Variants in ERF observed in about 807,000 individuals in gnomAD.
ERF encodes the protein ETS domain-containing transcription factor ERF.
ERF carries 10 observed loss-of-function variants against 41.6 expected under a neutral mutation model. The observed-to-expected ratio is 0.24, with a 90% CI of 0.15 to 0.41. The LOEUF is 0.41. ERF is among the 10% of genes least tolerant of loss of function. ERF has a pLI of 1.00. For synonymous variants in ERF, 395 were observed against 342.4 expected (o/e 1.15, Z -1.70); for missense variants, 621 against 763.2 (o/e 0.81, Z 2.19).
At chr19:42,252,729 G>T (rs964304387) in intron 1 of ERF, among the ~76,000 whole-genome samples, 3 of 151,718 alleles carry the variant, frequency 2.0e-5, no homozygotes, top group African/African-American at 4.8e-5. Context: ...CCCGGCTTTG[G>T]GGGGGGGAGA....
Position 42,248,605 on chromosome 19 carries a change from C to T in ERF, c.1507G>A (p.Gly503Ser). ...TTGTCCTCACCCTCATCCTCAAAGC[C>T]CCCAGCGGGGCCCCCACCCCCTTCG... ...RLEGGGGPAGGFEDEGEDKKV... is the reference protein window; with the variant it reads ...RLEGGGGPAGSFEDEGEDKKV... Residue 503 changes from glycine to serine, a missense_variant, in exon 4 of 4, where the codon GGC becomes AGC. Coordinates refer to ENST00000222329, the MANE Select transcript of ERF (RefSeq NM_006494.4). This position sits in a 1 kb window ranked among gnomAD's most constrained non-coding sequence, Gnocchi z 4.2. 1 of 1,581,926 alleles carries T rather than the reference C, an allele frequency of 6.3e-7. No homozygotes were observed. The highest frequency in any genetic ancestry group is 8.6e-7 in the Non-Finnish European group (1 of 1,162,624).
Position 42,248,530 on chromosome 19 carries a change from T to A in ERF, c.1582A>T (p.Arg528Trp). The stretch of plus-strand genomic sequence containing the variant: ...TGCTGGAGGTCAGAGCTCACCCGCC[T>A]TGGGGTGAGGGGCCCCCCAGCCTCC... ...PGEAGGPLTP[R>W]RVSSDLQHAT... Residue 528 changes from arginine (R) to tryptophan (W), a missense_variant, in exon 4 of 4, where the codon AGG becomes TGG. This residue lies in a region of ERF where 569 missense variants were observed against 625.5 expected (regional missense o/e 0.91). Coordinates refer to ENST00000222329, the MANE Select transcript of ERF (RefSeq NM_006494.4). The surrounding 1 kb of genome is among the most constrained non-coding windows in gnomAD (Gnocchi z 4.2). 6.5e-7 allele frequency: 1 copy of A among 1,543,262 alleles called. No homozygotes were observed. Among genetic ancestry groups the A allele is most frequent in the Non-Finnish European group, 8.7e-7 (1 of 1,147,440 alleles).
intron 1 of ERF, among the ~76,000 whole-genome samples, chr19:42,251,963 T>TG (rs2036452531): frequency 6.6e-6 from 1 of 151,978 alleles, no homozygotes; most frequent in Non-Finnish European, 1.5e-5. Context: ...GTGCCAGGGA[T>TG]ATGACCTCCA....
intron 1 of ERF, among the ~76,000 whole-genome samples, chr19:42,252,854 C>T (rs902917307): frequency 2.6e-5 from 4 of 152,098 alleles, no homozygotes; most frequent in Non-Finnish European, 5.9e-5. Flanking sequence ...TATGCGTCCA[C>T]GTGCTTAAAA....
intron 1 of ERF, chr19:42,251,439 G>A: frequency 3.6e-6 from 1 of 278,496 alleles, no homozygotes; most frequent in African/African-American, 2.8e-5. Context: ...GGGGTGGGCA[G>A]CCTGGGGTGG....
At chr19:42,254,050 G>GGGGGA (rs2036492833) in intron 1 of ERF, among the ~76,000 whole-genome samples, 1 of 151,410 alleles carries the variant, frequency 6.6e-6, no homozygotes, top group Non-Finnish European at 1.5e-5. Context: ...CGGGGGCGGC[G>GGGGGA]GGGGAGGGGA....
rs758497035 is a variant in ERF, at chr19:42,249,516, G to T, written c.596C>A (p.Pro199Gln). Residue 199 changes from proline to glutamine, a missense_variant, in exon 4 of 4, where the codon CCG (proline) becomes CAG (glutamine). Around this residue, in one of 3 missense-constraint regions of ERF, gnomAD observed 569 missense variants for 625.5 expected, o/e 0.91. Coordinates refer to ENST00000222329, the MANE Select transcript of ERF (RefSeq NM_006494.4). This position sits in a 1 kb window ranked among gnomAD's most constrained non-coding sequence, Gnocchi z 8.6. ...CSDGTSELEE[P>Q]LGEDPRARPP... ...TCGGGCGCGGGGATCCTCTCCCAGC[G>T]GTTCCTCCAGCTCTGACGTGCCATC... 2 of 1,612,958 alleles carry T rather than the reference G, an allele frequency of 1.2e-6. No homozygotes were observed. Among genetic ancestry groups the T allele is most frequent in the Non-Finnish European group, 1.7e-6 (2 of 1,179,902 alleles).
intron 1 of ERF, among the ~76,000 whole-genome samples, chr19:42,252,436 C>CG (rs1196714107): frequency 6.9e-6 from 1 of 145,564 alleles, no homozygotes; most frequent in Non-Finnish European, 1.5e-5. Context: ...GTCCTGGGAG[C>CG]GGGGGAGCAG....
At chr19:42,254,913 A>G (rs1407688214) in intron 1 of ERF, 65 bp downstream of exon 1, 12 of 1,485,450 alleles carry the variant, frequency 8.1e-6, no homozygotes, top group Middle Eastern at 3.5e-4. Flanking sequence ...CAGCCCCCCC[A>G]AAGTTTCTCC....
In ERF at chr19:42,250,003, C is replaced by G; in HGVS notation, c.258-61G>C. 6.9e-7 allele frequency: 1 copy of G among 1,454,402 alleles called. No individual in the cohort carries two copies. Among genetic ancestry groups the G allele is most frequent in the Non-Finnish European group, 9.7e-7 (1 of 1,035,224 alleles). The allele number at this position is 1,454,402 out of a possible 1,614,324, so 90.1% of individuals were successfully genotyped here. A position where few individuals can be genotyped will look rare whatever the true frequency, so the allele number is the denominator to read the frequency against. On this transcript the variant is annotated intron_variant, in intron 2 of 3. Coordinates refer to ENST00000222329, the MANE Select transcript of ERF (RefSeq NM_006494.4). The surrounding 1 kb of genome is among the most constrained non-coding windows in gnomAD (Gnocchi z 5.1). Reference sequence around the variant, plus strand: ...ACGTGGGACCCAGGTCTAGACTCCACACCTTAACACGCACTTAGGTGTGGT... The same window carrying G: ...ACGTGGGACCCAGGTCTAGACTCCAGACCTTAACACGCACTTAGGTGTGGT...
rs1285109108 is a variant in ERF at position 42,249,777 on chromosome 19, C to T, written c.374-39G>A. The T allele has an allele frequency of 6.2e-7, 1 of 1,613,774 alleles. No homozygotes were observed. The highest frequency in any genetic ancestry group is 8.5e-7 in the Non-Finnish European group (1 of 1,179,756). On this transcript the variant is annotated intron_variant, in intron 3 of 3. Transcript: ENST00000222329. This position sits in a 1 kb window ranked among gnomAD's most constrained non-coding sequence, Gnocchi z 8.6. ...GACAGTGTCAAGGCCCCTGGCCTAG[C>T]CTGAAGGGGCATGTAGACCCTCTCC... is the stretch of plus-strand genomic sequence containing the variant.
chr19:42,254,894 G>A, intron 1 of ERF, 84 bp downstream of exon 1: 1 of 1,429,064 alleles, frequency 7.0e-7, no homozygotes, highest in Non-Finnish European at 9.3e-7. Context: ...GGGCTCCCCC[G>A]GACCCCTTCA....
chr19:42,254,887 C>A, intron 1 of ERF, 91 bp downstream of exon 1: 2 of 1,377,930 alleles, frequency 1.5e-6, no homozygotes, highest in Admixed American at 3.1e-5. Flanking sequence ...ATCACTCGGG[C>A]TCCCCCGGAC....
chr19:42,248,866 GCGC>G lies in ERF; in HGVS notation c.1243_1245del (p.Ala415del), dbSNP rs759202471. On this transcript the variant is annotated inframe_deletion, in exon 4 of 4. Transcript: ENST00000222329. The surrounding 1 kb of genome is among the most constrained non-coding windows in gnomAD (Gnocchi z 4.2). ...TGTGGTGGCGGGGGCGGTGGGGCTA[GCGC>G]CCCTGCCCCCTCAGCCAGCCCGCCT... is the stretch of plus-strand genomic sequence containing the variant. 11 of 1,608,498 alleles carry G rather than the reference GCGC, an allele frequency of 6.8e-6. No individual in the cohort carries two copies. In the East Asian group the frequency reaches 2.5e-4, roughly 36 times the overall value.
chr19:42,249,609 G>C lies in ERF; in HGVS notation c.503C>G (p.Ser168Cys). The C allele has an allele frequency of 6.2e-7, 1 of 1,613,682 alleles. No individual in the cohort carries two copies. The highest frequency in any genetic ancestry group is 8.5e-7 in the Non-Finnish European group (1 of 1,179,908). Residue 168 changes from serine to cysteine, a missense_variant, in exon 4 of 4, where the codon TCT becomes TGT. Ser to Cys is a moderately radical substitution (Grantham distance 112). This residue lies in a region of ERF where 569 missense variants were observed against 625.5 expected (regional missense o/e 0.91). Transcript: ENST00000222329. This position sits in a 1 kb window ranked among gnomAD's most constrained non-coding sequence, Gnocchi z 8.6. Reference sequence around the variant, plus strand: ...CACAGCCGAGAAGAGGGAAGATGAAGATGAAGAGCAGGCTGGTGGTGAGCG... The same window carrying C: ...CACAGCCGAGAAGAGGGAAGATGAACATGAAGAGCAGGCTGGTGGTGAGCG... The part of the protein sequence containing the change: ...DPRSPPACSS[S>C]SSSLFSAVVA...
chr19:42,250,200 G>T lies in ERF; in HGVS notation c.257+131C>A, dbSNP rs1366973230. On this transcript the variant is annotated intron_variant, in intron 2 of 3. Coordinates refer to ENST00000222329, the MANE Select transcript of ERF (RefSeq NM_006494.4). The surrounding 1 kb of genome is among the most constrained non-coding windows in gnomAD (Gnocchi z 5.1). Reference sequence around the variant, plus strand: ...AGGGGCTCAGGGAAGGGCTGGGAGTGGCCCAAGGTCACACAGCTAGGATTT... The same window carrying T: ...AGGGGCTCAGGGAAGGGCTGGGAGTTGCCCAAGGTCACACAGCTAGGATTT... 6 of 1,042,814 alleles carry T rather than the reference G, an allele frequency of 5.8e-6. No individual in the cohort carries two copies. In the Admixed American group the frequency reaches 1.2e-4, roughly 20 times the overall value. 64.6% of individuals were successfully genotyped at this position (1,042,814 alleles called of 1,614,324 possible).
Position 42,249,005 on chromosome 19 carries a change from A to C in ERF, c.1107T>G (p.Ser369=). The change falls in exon 4 of 4, where the codon TCT becomes TCG. Residue 369 remains serine (S), a synonymous_variant. Transcript: ENST00000222329. The surrounding 1 kb of genome is among the most constrained non-coding windows in gnomAD (Gnocchi z 8.6). The part of the protein sequence containing the change: ...PVPSSASSSS[S]SSSSPFKFKL... ...TAAACTTGAATGGGGAGGAAGAAGAAGAAGAGGATGACGAGGCCGAGGAGG... is the reference window on the plus strand; with the variant it reads ...TAAACTTGAATGGGGAGGAAGAAGACGAAGAGGATGACGAGGCCGAGGAGG... 1 of 1,609,900 alleles carries C rather than the reference A, an allele frequency of 6.2e-7. No homozygotes were observed. Among genetic ancestry groups the C allele is most frequent in the African/African-American group, 1.3e-5 (1 of 75,036 alleles).
intron 1 of ERF, among the ~76,000 whole-genome samples, chr19:42,251,785 TGGGAATCCA>T (rs2036450287): frequency 6.6e-6 from 1 of 152,136 alleles, no homozygotes; most frequent in Non-Finnish European, 1.5e-5. Context: ...TCCTTCCCCT[TGGGAATCCA>T]GGGAATCAGT....
intron 1 of ERF, chr19:42,254,446 G>A (rs2036500719): frequency 2.0e-5 from 3 of 152,988 alleles, no homozygotes; most frequent in Admixed American, 2.0e-4. Context: ...GACAGAGGCG[G>A]GCGGGGGAGG....
Sources: allele counts gnomAD v4.1 joint callset (sites outside exome capture counted in the v4.1 genomes callset), GRCh38; gene constraint gnomAD v4.1.1; regional missense constraint gnomAD v4.1.1; non-coding constraint Gnocchi (gnomAD v3.1); transcripts MANE v1.5; gene names NCBI Gene and HGNC (gene_info 2026-07-23, HGNC 2026-07-21).